Variants in NGEF observed in about 807,000 individuals in gnomAD.
NGEF encodes neuronal guanine nucleotide exchange factor.
NGEF carries 31 observed loss-of-function variants against 80.9 expected under a neutral mutation model. The observed-to-expected ratio is 0.38, with a 90% confidence interval of 0.29 to 0.52. The LOEUF is 0.52. NGEF is among the 20% of genes least tolerant of loss of function. The probability of loss-of-function intolerance (pLI) is 0.84; values close to 1 mark genes in which losing one functional copy is unlikely to be tolerated. For missense variants in NGEF, 709 were observed against 926.2 expected, an observed-to-expected ratio of 0.77 and a Z score of 3.04; for synonymous variants, 371 against 370.2, an observed-to-expected ratio of 1.00 and a Z score of -0.03.
intron 3 of NGEF, among the ~76,000 whole-genome samples, chr2:232,940,535 A>G (rs115246895): frequency 0.01 from 1,579 of 152,250 alleles, 29 homozygotes; most frequent in African/African-American, 0.036. Context: ...GTGCAAAAAA[A>G]TGAGCAGCGA....
chr2:232,915,939 C>T (rs996637552), intron 5 of NGEF, among the ~76,000 whole-genome samples: 3 of 152,304 alleles, frequency 2.0e-5, no homozygotes, highest in East Asian at 1.9e-4. Flanking sequence ...GATCTACCTG[C>T]CTTGGCCTCC....
At position 232,892,802 on chromosome 2, in the gene NGEF, C is replaced by T; in HGVS notation, c.1142+96G>A. 7.4e-7 allele frequency: 1 copy of T among 1,354,204 alleles called. No homozygotes were observed. Among genetic ancestry groups the T allele is most frequent in the Non-Finnish European group, 1.0e-6 (1 of 973,132 alleles). 83.9% of individuals were successfully genotyped at this position (1,354,204 alleles called of 1,614,324 possible). A position where few individuals can be genotyped will look rare whatever the true frequency, so the allele number is the denominator to read the frequency against. ...CCTTGGGAACGCAGAGGTAAAGGACCATGAAGTGTCACCGTGTAAGGAGCC... is the reference window on the plus strand; with the variant it reads ...CCTTGGGAACGCAGAGGTAAAGGACTATGAAGTGTCACCGTGTAAGGAGCC... On this transcript the variant is annotated intron_variant, in intron 7 of 14. Coordinates refer to ENST00000264051, the MANE Select transcript of NGEF (RefSeq NM_019850.3). The surrounding 1 kb of genome is among the most constrained non-coding windows in gnomAD (Gnocchi z 4.0).
At chr2:232,965,330 T>A (rs904649722) in intron 3 of NGEF, among the ~76,000 whole-genome samples, 2 of 152,066 alleles carry the variant, frequency 1.3e-5, no homozygotes, top group East Asian at 1.9e-4. Flanking sequence ...TCAATAGGAA[T>A]GGATAAAGAA....
chr2:233,008,308 G>A (rs1031521873), intron 1 of NGEF, among the ~76,000 whole-genome samples: 1 of 152,188 alleles, frequency 6.6e-6, no homozygotes, highest in African/African-American at 2.4e-5. Flanking sequence ...GAGAGCTTGG[G>A]AGAGGAGCAG....
chr2:232,954,569 C>CA (rs1470035553), intron 3 of NGEF, among the ~76,000 whole-genome samples: 1 of 151,644 alleles, frequency 6.6e-6, no homozygotes, highest in Non-Finnish European at 1.5e-5. Context: ...ACTAAAAATA[C>CA]AAAAAATTAG....
Position 232,920,395 on chromosome 2 carries a change from G to C in NGEF, c.717C>G (p.Ile239Met). The change falls in exon 5 of 15, where the codon ATC (isoleucine) becomes ATG (methionine). Residue 239 changes from isoleucine to methionine, a missense_variant. Coordinates refer to ENST00000264051, the MANE Select transcript of NGEF (RefSeq NM_019850.3). ...TTGAGTGGGGGTTACTGAGCAGGCA[G>C]ATCTGGGGCAGAGTCTTCCTCTCTG... is the stretch of plus-strand genomic sequence containing the variant. ...SPPERKTLPQICLLSNPHSRF... is the reference protein window; with the variant it reads ...SPPERKTLPQMCLLSNPHSRF... 1 of 1,614,132 alleles carries C rather than the reference G, an allele frequency of 6.2e-7. No homozygotes were observed. The highest frequency in any genetic ancestry group is 8.5e-7 in the Non-Finnish European group (1 of 1,180,012).
intron 5 of NGEF, among the ~76,000 whole-genome samples, chr2:232,918,058 A>G (rs959406206): frequency 1.1e-4 from 17 of 151,964 alleles, no homozygotes; most frequent in African/African-American, 3.6e-4. Context: ...GGTTCAAGGG[A>G]TTTTCCTGCC....
intron 1 of NGEF, among the ~76,000 whole-genome samples, chr2:232,995,029 T>G (rs1365300880): frequency 7.0e-6 from 1 of 142,336 alleles, no homozygotes; most frequent in Non-Finnish European, 1.5e-5. Flanking sequence ...GTATACTGTA[T>G]ATATGTACAG....
At chr2:232,984,767 C>G (rs1057504157) in intron 1 of NGEF, among the ~76,000 whole-genome samples, 13 of 152,102 alleles carry the variant, frequency 8.5e-5, no homozygotes, top group African/African-American at 3.1e-4. Context: ...GACAATGGAA[C>G]TTCTAAAAAG....
chr2:232,912,084 A>G (rs2106267437), intron 5 of NGEF, among the ~76,000 whole-genome samples: 1 of 152,314 alleles, frequency 6.6e-6, no homozygotes, highest in East Asian at 1.9e-4. Context: ...CCTTGTTCCT[A>G]ATCTTAGGGG....
At chr2:232,942,361 T>G (rs1312938161) in intron 3 of NGEF, among the ~76,000 whole-genome samples, 1 of 152,154 alleles carries the variant, frequency 6.6e-6, no homozygotes, top group Non-Finnish European at 1.5e-5. Context: ...CTAGTACACC[T>G]TTGAGGCTTT....
intron 1 of NGEF, among the ~76,000 whole-genome samples, chr2:233,007,304 A>C (rs2106347120): frequency 6.6e-6 from 1 of 152,344 alleles, no homozygotes; most frequent in Non-Finnish European, 1.5e-5. Context: ...TCTCAAGAAA[A>C]CAGCTTTAAC....
At position 232,920,409 on chromosome 2, in the gene NGEF, T is replaced by C. The variant is rs1692914149; in HGVS notation, c.703A>G (p.Thr235Ala). Residue 235 changes from threonine (T) to alanine (A), a missense_variant, in exon 5 of 15, where the codon ACT becomes GCT. Coordinates refer to ENST00000264051, the MANE Select transcript of NGEF (RefSeq NM_019850.3). ...CTGAGCAGGCAGATCTGGGGCAGAG[T>C]CTTCCTCTCTGGTGGGCTGGCCGGC... ...EEPASPPERK[T>A]LPQICLLSNP... The C allele has an allele frequency of 6.2e-7, 1 of 1,613,636 alleles. No homozygotes were observed. The highest frequency in any genetic ancestry group is 1.3e-5 in the African/African-American group (1 of 74,834).
intron 8 of NGEF, among the ~76,000 whole-genome samples, chr2:232,890,477 G>A (rs1483949457): frequency 6.6e-6 from 1 of 152,104 alleles, no homozygotes; most frequent in Non-Finnish European, 1.5e-5. Context: ...ATGCCAGCGA[G>A]TCCTGCCCAA....
At chr2:232,932,553 A>G (rs1349112373) in intron 3 of NGEF, among the ~76,000 whole-genome samples, 2 of 152,040 alleles carry the variant, frequency 1.3e-5, no homozygotes, top group Non-Finnish European at 1.5e-5. Flanking sequence ...ACCCATTACC[A>G]AAGCCACTAC....
intron 5 of NGEF, among the ~76,000 whole-genome samples, chr2:232,915,800 C>T (rs1236566215): frequency 6.6e-6 from 1 of 152,166 alleles, no homozygotes; most frequent in Admixed American, 6.5e-5. Context: ...AAGCGATTCT[C>T]CTGCCTCAGC....
intron 5 of NGEF, among the ~76,000 whole-genome samples, chr2:232,901,140 C>T (rs993474513): frequency 2.0e-5 from 3 of 152,154 alleles, no homozygotes; most frequent in East Asian, 3.9e-4. Flanking sequence ...ACCCAAAGAG[C>T]GACGGGCTTT....
intron 5 of NGEF, among the ~76,000 whole-genome samples, chr2:232,915,509 G>C (rs965837471): frequency 6.6e-6 from 1 of 152,144 alleles, no homozygotes; most frequent in Admixed American, 6.5e-5. Flanking sequence ...CAGCAGCCAC[G>C]TGTGGCTGGT....
chr2:232,988,036 CGTGTGTGTGTGTGTGTGTGTGT>C (rs57143286), intron 1 of NGEF, among the ~76,000 whole-genome samples: 3 of 140,262 alleles, frequency 2.1e-5, no homozygotes, highest in Non-Finnish European at 4.7e-5. Flanking sequence ...GGGATGGTCT[CGTGTGTGTGTGTGTGTGTGTGT>C]GTGTGTGTGT....
Sources: allele counts gnomAD v4.1 joint callset (sites outside exome capture counted in the v4.1 genomes callset), GRCh38; gene constraint gnomAD v4.1.1; non-coding constraint Gnocchi (gnomAD v3.1); transcripts MANE v1.5; gene names NCBI Gene and HGNC (gene_info 2026-07-23, HGNC 2026-07-21).